The following SPATA22 variants were observed in gnomAD, a reference collection of about 807,000 sequenced individuals.
SPATA22 encodes the protein spermatogenesis-associated protein 22.
Under a neutral mutation model 47.8 loss-of-function variants are expected in SPATA22, and 29 were observed. The observed-to-expected ratio is 0.61, with a 90% CI of 0.45 to 0.83. The LOEUF (loss-of-function observed/expected upper bound fraction) is 0.83. SPATA22 is among the 40% of genes least tolerant of loss of function. The pLI, the probability that SPATA22 is intolerant of heterozygous loss-of-function variation, is 0.00. For synonymous variants in SPATA22, 133 were observed against 140.9 expected (o/e 0.94, Z 0.40); for missense variants, 410 against 421.7 (o/e 0.97, Z 0.24).
intron 1 of SPATA22, among the ~76,000 whole-genome samples, chr17:3,487,677 A>G (rs942679954): frequency 9.9e-5 from 15 of 152,214 alleles, no homozygotes; most frequent in African/African-American, 3.6e-4. Flanking sequence ...TTTGTGCATA[A>G]TAAAGATTCC....
At chr17:3,497,296 CAGAGAAA>C (rs1217344498) in intron 1 of SPATA22, among the ~76,000 whole-genome samples, 2 of 152,150 alleles carry the variant, frequency 1.3e-5, no homozygotes, top group African/African-American at 4.8e-5. Context: ...ACCACCGGTT[CAGAGAAA>C]TAGTTCTCAG....
At chr17:3,476,239 G>T (rs1457802163), upstream of SPATA22, 2 of 1,614,172 alleles carry the variant, frequency 1.2e-6, no homozygotes, top group African/African-American at 2.7e-5. Context: ...GAGCTAACCG[G>T]AGTATTTCTG....
rs377662235 is a variant in SPATA22 at position 3,508,135 on chromosome 17, C to T, written c.-74+5277G>A. Among the ~76,000 whole-genome samples, 3 of 152,242 alleles carry T rather than the reference C, an allele frequency of 2.0e-5. No homozygotes were observed. In the East Asian group the frequency reaches 5.8e-4, roughly 29 times the overall value. Reference sequence around the variant, plus strand: ...ACAAATTGGTTGCAAGTTCCACAACCCATCAAGACAAGCAGTCAAGACTTG... The same window carrying T: ...ACAAATTGGTTGCAAGTTCCACAACTCATCAAGACAAGCAGTCAAGACTTG... On this transcript the variant is annotated intron_variant, in intron 1 of 8. Coordinates refer to the SPATA22 transcript ENST00000541913.
intron 3 of SPATA22, among the ~76,000 whole-genome samples, chr17:3,465,797 C>CA (rs1041751392): frequency 2.0e-3 from 138 of 67,924 alleles, no homozygotes; most frequent in Middle Eastern, 0.013. Context: ...ATTTAAAAAA[C>CA]AAAAAAAAAC....
chr17:3,477,688 A>G (rs1219780482), intron 1 of SPATA22, among the ~76,000 whole-genome samples: 2 of 152,072 alleles, frequency 1.3e-5, no homozygotes, highest in African/African-American at 2.4e-5. Context: ...TCCTGGCCTC[A>G]GGTGATCTGC....
At chr17:3,498,060 T>C (rs186198344) in intron 1 of SPATA22, among the ~76,000 whole-genome samples, 2 of 152,268 alleles carry the variant, frequency 1.3e-5, no homozygotes, top group Admixed American at 1.3e-4. Flanking sequence ...ACCCACCTTG[T>C]CCCAGACTCT....
At position 3,462,206 on chromosome 17, in the gene SPATA22, T is replaced by C. The variant is rs143434928; in HGVS notation, c.329+277A>G. 3.9e-5 allele frequency among the ~76,000 whole-genome samples: 6 copies of C among 152,338 alleles called. No individual in the cohort carries two copies. The East Asian group carries it at 9.6e-4, about 24-fold the overall frequency. Reference sequence around the variant, plus strand: ...AATAACCCATAAGCAAAATCATAAATTCATAGCAATGAATATTGGCAGAAA... The same window carrying C: ...AATAACCCATAAGCAAAATCATAAACTCATAGCAATGAATATTGGCAGAAA... On this transcript the variant is annotated intron_variant, in intron 5 of 8. Coordinates refer to ENST00000572969, the MANE Select transcript of SPATA22 (RefSeq NM_001170698.2).
chr17:3,443,346 G>A, intron 7 of SPATA22, 75 bp from the exon 8 acceptor site: 1 of 1,037,148 alleles, frequency 9.6e-7, no homozygotes, highest in Admixed American at 2.3e-5. Flanking sequence ...AGAAGCTGAT[G>A]TTTAAATAAC....
intron 5 of SPATA22, among the ~76,000 whole-genome samples, chr17:3,458,293 G>C (rs142288535): frequency 6.6e-6 from 1 of 152,026 alleles, no homozygotes; most frequent in African/African-American, 2.4e-5. Flanking sequence ...ACACTTGTTA[G>C]GATAGCTGTC....
intron 5 of SPATA22, among the ~76,000 whole-genome samples, chr17:3,449,615 G>C (rs2072810745): frequency 6.6e-6 from 1 of 152,086 alleles, no homozygotes; most frequent in Admixed American, 6.6e-5. Flanking sequence ...ATCACAAGGA[G>C]AATACATATA....
chr17:3,489,299 A>T (rs777170306), intron 1 of SPATA22: 1 of 1,613,400 alleles, frequency 6.2e-7, no homozygotes, highest in Non-Finnish European at 8.5e-7. Flanking sequence ...AAATGAGAAA[A>T]ATGATTAAAC....
rs183606549 is a variant in SPATA22 at position 3,457,033 on chromosome 17, T to C, written c.329+5450A>G. Among the ~76,000 whole-genome samples the C allele has an allele frequency of 7.4e-3, 1,122 of 152,246 alleles. 38 individuals are homozygous for C. The highest frequency in any genetic ancestry group is 0.048 in the Admixed American group (735 of 15,292). ...CTAAAAACTCTCAATAAATTAGGTA[T>C]TGATGGGATGTATCTCAAAATAGTA... On this transcript the variant is annotated intron_variant, in intron 5 of 8. Transcript: ENST00000572969.
chr17:3,509,756 T>C (rs2074087429), intron 1 of SPATA22, among the ~76,000 whole-genome samples: 1 of 152,170 alleles, frequency 6.6e-6, no homozygotes, highest in Non-Finnish European at 1.5e-5. Flanking sequence ...CTTCCTCAAT[T>C]GTTGAACTAA....
chr17:3,492,819 G>A (rs962170825), intron 1 of SPATA22, among the ~76,000 whole-genome samples: 1 of 152,122 alleles, frequency 6.6e-6, no homozygotes, highest in Non-Finnish European at 1.5e-5. Flanking sequence ...TGAGCTGTCA[G>A]CTTACCACAA....
At chr17:3,462,094 A>G (rs8067395) in intron 5 of SPATA22, among the ~76,000 whole-genome samples, 50,045 of 152,124 alleles carry the variant, frequency 0.33, 10,558 homozygotes, top group Non-Finnish European at 0.48. Context: ...GTCTTACAGG[A>G]TAAGACTGAG....
Position 3,467,447 on chromosome 17 carries a change from C to A in SPATA22, c.151G>T (p.Asp51Tyr), listed in dbSNP as rs777080375. ...SGISTPSDNY[D>Y]FPPLPTDWAW... ...TTACCTGTAGGTAGAGGAGGAAAAT[C>A]ATAATTGTCAGAAGGGGTACTGATA... Residue 51 changes from aspartate to tyrosine, a missense_variant, in exon 3 of 9, where the codon GAT becomes TAT. Transcript: ENST00000572969. The A allele has an allele frequency of 1.9e-6, 3 of 1,600,582 alleles. No homozygotes were observed. The Admixed American group carries it at 5.1e-5, about 27-fold the overall frequency.
chr17:3,441,620 C>G (rs2072599449), intron 8 of SPATA22: 1 of 152,028 alleles, frequency 6.6e-6, no homozygotes, highest in Non-Finnish European at 1.5e-5. Context: ...TTTGAATATA[C>G]ACATGCTCTA....
Position 3,446,544 on chromosome 17 carries a change from A to G in SPATA22, c.730T>C (p.Ser244Pro). 1 of 1,607,026 alleles carries G rather than the reference A, an allele frequency of 6.2e-7. No homozygotes were observed. Among genetic ancestry groups the G allele is most frequent in the East Asian group, 2.2e-5 (1 of 44,620 alleles). Residue 244 changes from serine to proline, a missense_variant, in exon 7 of 9, where the codon TCT becomes CCT. Transcript: ENST00000572969. Reference protein sequence around the residue: ...KEKASSLRIISAVIESMKYWR... With the variant: ...KEKASSLRIIPAVIESMKYWR... ...TACTTCATGCTTTCAATAACTGCAG[A>G]AATAATTCTTAAAGAACTAGCTTTT...
At chr17:3,481,637 A>C in intron 1 of SPATA22, 1 of 1,613,828 alleles carries the variant, frequency 6.2e-7, no homozygotes, top group Non-Finnish European at 8.5e-7. Flanking sequence ...ATATGAAGTG[A>C]GAAGGGCTCA....
Sources: allele counts gnomAD v4.1 joint callset (sites outside exome capture counted in the v4.1 genomes callset), GRCh38; gene constraint gnomAD v4.1.1; transcripts MANE v1.5; gene names NCBI Gene and HGNC (gene_info 2026-07-23, HGNC 2026-07-21).